The following ZBTB48 variants were observed in gnomAD, a reference collection of about 807,000 sequenced individuals.
The protein encoded by ZBTB48 is zinc finger and BTB domain-containing protein 48.
A neutral mutation model predicts 64.5 loss-of-function variants in ZBTB48; 35 were observed. The ratio of observed to expected loss-of-function variants is 0.54; its 90% CI spans 0.41 to 0.72. The LOEUF (loss-of-function observed/expected upper bound fraction) is 0.72. ZBTB48 is among the 30% of genes least tolerant of loss of function. The pLI, the probability that ZBTB48 is intolerant of heterozygous loss-of-function variation, is 0.00. For synonymous variants in ZBTB48, 442 were observed against 356.7 expected (o/e 1.24, Z -2.70); for missense variants, 828 against 895.3 (o/e 0.92, Z 0.96).
chr1:6,585,295 T>G (rs1004117369), intron 3 of ZBTB48: 2 of 153,144 alleles, frequency 1.3e-5, no homozygotes, highest in African/African-American at 4.8e-5. Flanking sequence ...ACATGCCTGA[T>G]CCAGGTGGCC....
In ZBTB48 at chr1:6,581,290, C is replaced by A; in HGVS notation, c.681C>A (p.Gly227=). ...LEAEGAQLQG[G]SNEWEVVVQV... ...CTGAAGGTGCCCAGCTGCAGGGCGG[C>A]AGTAATGAGGTACTGTGCCCAGGGT... Residue 227 remains glycine (G), a synonymous_variant, in exon 2 of 11, where the codon GGC becomes GGA. Transcript: ENST00000377674. 1 of 1,600,814 alleles carries A rather than the reference C, an allele frequency of 6.2e-7. No individual in the cohort carries two copies. The highest frequency in any genetic ancestry group is 8.5e-7 in the Non-Finnish European group (1 of 1,174,442).
rs1473759077 is a variant in ZBTB48, at chr1:6,584,135, C to T, written c.933-1784C>T. Among the ~76,000 whole-genome samples the T allele has an allele frequency of 6.6e-6, 1 of 151,916 alleles. No individual in the cohort carries two copies. Among genetic ancestry groups the T allele is most frequent in the Non-Finnish European group, 1.5e-5 (1 of 67,976 alleles). On this transcript the variant is annotated intron_variant, in intron 3 of 10. Coordinates refer to ENST00000377674, the MANE Select transcript of ZBTB48 (RefSeq NM_005341.4). This position sits in a 1 kb window ranked among gnomAD's most constrained non-coding sequence, Gnocchi z 4.5. The stretch of plus-strand genomic sequence containing the variant: ...TTCACCATATTGGCCAGGCTGATCT[C>T]AAACTCCTGACCTTGCGATCCACCT...
rs764290492 is a variant in ZBTB48 at position 6,582,236 on chromosome 1, C to G, written c.869C>G (p.Pro290Arg). Residue 290 changes from proline (P) to arginine (R), a missense_variant, in exon 3 of 11, where the codon CCG becomes CGG. Pro to Arg is a moderately radical substitution (Grantham distance 103). Transcript: ENST00000377674. ...PAENRKGTAV[P>R]VECPTCHKKF... The stretch of plus-strand genomic sequence containing the variant: ...GAGAACAGAAAAGGTACAGCGGTGC[C>G]GGTCGAATGCCCCACATGTCATAAA... 23 of 1,614,092 alleles carry G rather than the reference C, an allele frequency of 1.4e-5. No individual in the cohort carries two copies. The highest frequency in any genetic ancestry group is 1.8e-5 in the Non-Finnish European group (21 of 1,179,980).
rs1640418276 is a variant in ZBTB48 at position 6,580,820 on chromosome 1, G to T, written c.211G>T (p.Glu71Ter). The change falls in exon 2 of 11, where the codon GAG becomes TAG. Residue 71 changes from glutamate to a stop codon, truncating the protein, a stop_gained. Coordinates refer to ENST00000377674, the MANE Select transcript of ZBTB48 (RefSeq NM_005341.4). LOFTEE classifies it high-confidence loss of function. The surrounding 1 kb of genome is among the most constrained non-coding windows in gnomAD (Gnocchi z 5.2). ...GSVVLPAGFA[E>*]IFGLLLDFFY... ...TGTCGTCCTCCCTGCTGGCTTCGCTGAGATCTTTGGCCTCTTGTTGGACTT... is the reference window on the plus strand; with the variant it reads ...TGTCGTCCTCCCTGCTGGCTTCGCTTAGATCTTTGGCCTCTTGTTGGACTT... 6.2e-7 allele frequency: 1 copy of T among 1,614,120 alleles called. No individual in the cohort carries two copies. The highest frequency in any genetic ancestry group is 1.3e-5 in the African/African-American group (1 of 74,952).
intron 9 of ZBTB48, 38 bp downstream of exon 9, chr1:6,588,480 TC>T: frequency 4.1e-6 from 6 of 1,474,522 alleles, no homozygotes; most frequent in Non-Finnish European, 5.4e-6. Flanking sequence ...TTCCTGCTCA[TC>T]CGAGTTGGAG....
rs926038643 is a variant in ZBTB48 at position 6,581,962 on chromosome 1, G to A, written c.691-96G>A. 3 of 1,558,214 alleles carry A rather than the reference G, an allele frequency of 1.9e-6. No individual in the cohort carries two copies. The African/African-American group carries it at 4.1e-5, about 21-fold the overall frequency. Reference sequence around the variant, plus strand: ...ACTTGTCTGATGAAGGGACTTGTCAGGGTTGGGGCTTGGGATGGAACTGGA... The same window carrying A: ...ACTTGTCTGATGAAGGGACTTGTCAAGGTTGGGGCTTGGGATGGAACTGGA... On this transcript the variant is annotated intron_variant, in intron 2 of 10. Coordinates refer to ENST00000377674, the MANE Select transcript of ZBTB48 (RefSeq NM_005341.4).
intron 4 of ZBTB48, 86 bp from the exon 5 acceptor site, chr1:6,586,609 G>T: frequency 7.7e-7 from 1 of 1,291,594 alleles, no homozygotes; most frequent in Non-Finnish European, 9.9e-7. Flanking sequence ...ACTCTTCCCA[G>T]CAGCAAGCGG....
rs112580327 is a variant in ZBTB48 at position 6,588,737 on chromosome 1, G to A, written c.1682-19G>A. ...CCGGGGCTCCTGCATGATCCCCCAC[G>A]GTGTTCTCCCTCTTGCAGCCGTGGA... On this transcript the variant is annotated intron_variant, in intron 9 of 10. Transcript: ENST00000377674. The A allele has an allele frequency of 6.8e-6, 11 of 1,613,832 alleles. No individual in the cohort carries two copies. The highest frequency in any genetic ancestry group is 4.4e-5 in the South Asian group (4 of 91,064).
At chr1:6,582,715 G>T (rs1640515510) in intron 3 of ZBTB48, among the ~76,000 whole-genome samples, 1 of 152,240 alleles carries the variant, frequency 6.6e-6, no homozygotes, top group African/African-American at 2.4e-5. Context: ...CCTTGGTTCA[G>T]TGCTACCTGC....
At chr1:6,585,111 C>T (rs796811945) in intron 3 of ZBTB48, among the ~76,000 whole-genome samples, 35 of 152,134 alleles carry the variant, frequency 2.3e-4, no homozygotes, top group African/African-American at 8.2e-4. Context: ...GGTTCGATTG[C>T]GATTTTAAGT....
In ZBTB48 at chr1:6,589,128, T is replaced by C. The variant is rs764876418; in HGVS notation, c.1983T>C (p.Cys661=). ...CCCAGCTCCCCGGCCAGAGACTGTG[T>C]GCAGAGGAGAGCTTCACCGGCCCAG... ...LASQLPGQRL[C]AEESFTGPGV... The change falls in exon 11 of 11, where the codon TGT becomes TGC. Residue 661 remains cysteine, a synonymous_variant. Transcript: ENST00000377674. 9 of 1,599,130 alleles carry C rather than the reference T, an allele frequency of 5.6e-6. No individual in the cohort carries two copies. The highest frequency in any genetic ancestry group is 6.8e-6 in the Non-Finnish European group (8 of 1,174,556).
In ZBTB48 at chr1:6,588,990, C is replaced by T; in HGVS notation, c.1845C>T (p.Asn615=). 6.3e-7 allele frequency: 1 copy of T among 1,599,292 alleles called. No individual in the cohort carries two copies. The highest frequency in any genetic ancestry group is 8.5e-7 in the Non-Finnish European group (1 of 1,171,384). The change falls in exon 11 of 11, where the codon AAC becomes AAT. Residue 615 remains asparagine, a synonymous_variant. Coordinates refer to ENST00000377674, the MANE Select transcript of ZBTB48 (RefSeq NM_005341.4). ...ACCCGCGGCAGCGCAAGCTCCGCAACCTGATCATCGAGGACGAGAAGATGG... is the reference window on the plus strand; with the variant it reads ...ACCCGCGGCAGCGCAAGCTCCGCAATCTGATCATCGAGGACGAGAAGATGG... ...NYNPRQRKLR[N]LIIEDEKMVV...
rs756536623 is a variant in ZBTB48, at chr1:6,589,178, T to TG, written c.2033_2034insG (p.Ile678MetfsTer10). 1.3e-6 allele frequency: 2 copies of TG among 1,538,960 alleles called. No homozygotes were observed. The highest frequency in any genetic ancestry group is 8.7e-7 in the Non-Finnish European group (1 of 1,146,604). On this transcript the variant is annotated frameshift_variant, in exon 11 of 11. Coordinates refer to ENST00000377674, the MANE Select transcript of ZBTB48 (RefSeq NM_005341.4). LOFTEE classifies it high-confidence loss of function. ...GGTGTCCTGGAGCCCTCCCTCATCA[T>TG]CACAGCTGCTGTCCCCGAGGACTGT...
At chr1:6,581,555 T>G (rs1019901432) in intron 2 of ZBTB48, among the ~76,000 whole-genome samples, 1 of 151,690 alleles carries the variant, frequency 6.6e-6, no homozygotes, top group Admixed American at 6.6e-5. Flanking sequence ...TCCTAGCTAC[T>G]CAGGAGGGTG....
chr1:6,581,926 C>A, intron 2 of ZBTB48, 132 bp from the exon 3 acceptor site: 1 of 1,349,708 alleles, frequency 7.4e-7, no homozygotes, highest in Non-Finnish European at 1.0e-6. Context: ...CTGCCTTGGG[C>A]CCCTGAAGGA....
At chr1:6,583,952 T>G (rs925415768) in intron 3 of ZBTB48, among the ~76,000 whole-genome samples, 4 of 151,838 alleles carry the variant, frequency 2.6e-5, no homozygotes, top group Non-Finnish European at 5.9e-5. Flanking sequence ...GCTAATTTTT[T>G]TGTGTGTGTT....
At chr1:6,588,724 C>T in intron 9 of ZBTB48, 32 bp from the exon 10 acceptor site, 1 of 1,613,632 alleles carries the variant, frequency 6.2e-7, no homozygotes. Flanking sequence ...GGGGCTCCTG[C>T]ATGATCCCCC....
intron 5 of ZBTB48, 115 bp from the exon 6 acceptor site, chr1:6,587,090 C>T (rs1557426636): frequency 8.4e-7 from 1 of 1,184,196 alleles, no homozygotes; most frequent in Non-Finnish European, 1.2e-6. Context: ...CAGGGGTCCT[C>T]CCAGAATCAT....
chr1:6,583,336 C>G (rs531479683), intron 3 of ZBTB48, among the ~76,000 whole-genome samples: 20 of 151,898 alleles, frequency 1.3e-4, no homozygotes, highest in Non-Finnish European at 2.4e-4. Flanking sequence ...GAGTCTCACT[C>G]TGTTGCCAGG....
Sources: gnomAD v4.1 joint callset for allele counts (sites outside exome capture counted in the v4.1 genomes callset) on GRCh38, gnomAD v4.1.1 for gene constraint, Gnocchi (gnomAD v3.1) non-coding constraint, MANE v1.5 for transcripts, NCBI Gene and HGNC (gene_info 2026-07-23, HGNC 2026-07-21) for gene names.